The following PACRG variants were observed in gnomAD, a reference collection of about 807,000 sequenced individuals.
PACRG encodes parkin coregulated gene protein.
In PACRG, 29 loss-of-function variants were observed where a neutral mutation model predicts 29.7. The ratio of observed to expected loss-of-function variants is 0.98; its 90% CI spans 0.73 to 1.33. PACRG has a LOEUF of 1.33. Ranked by LOEUF, PACRG falls within the 40% of genes most tolerant of loss-of-function variation. PACRG has a pLI of 0.00. For synonymous variants in PACRG, 116 were observed against 118.7 expected (o/e 0.98, Z 0.15); for missense variants, 279 against 316.2 (o/e 0.88, Z 0.89).
rs569526268 is a variant in PACRG at position 162,909,513 on chromosome 6, C to T, written c.291+95232C>T. On this transcript the variant is annotated intron_variant, in intron 2 of 4. Coordinates refer to ENST00000366888, the MANE Select transcript of PACRG (RefSeq NM_001080379.2). ...GAGCTTGCAGTGAGCCAAGATCGCG[C>T]CACTGCACTCCAGCCTGGGTGACAG... Among the ~76,000 whole-genome samples the T allele has an allele frequency of 3.0e-4, 44 of 146,320 alleles. 1 individual carries two copies. In the South Asian group the frequency reaches 8.8e-3, roughly 29 times the overall value.
rs557664426 is a variant in PACRG, at chr6:163,128,343, G to A, written c.613+38935G>A. ...AAACTTGATTACTTAAAGGCACTAA[G>A]TATATTAGGAAACGAAATACAAATA... On this transcript the variant is annotated intron_variant, in intron 4 of 4. Coordinates refer to ENST00000366888, the MANE Select transcript of PACRG (RefSeq NM_001080379.2). Among the ~76,000 whole-genome samples the A allele has an allele frequency of 2.0e-5, 3 of 152,278 alleles. No homozygotes were observed. In the South Asian group the frequency reaches 6.2e-4, roughly 32 times the overall value.
chr6:162,951,797 T>C (rs1171223708), intron 2 of PACRG, among the ~76,000 whole-genome samples: 1 of 152,218 alleles, frequency 6.6e-6, no homozygotes, highest in African/African-American at 2.4e-5. Flanking sequence ...GCTGATGGTT[T>C]TTTAAAAGGG....
chr6:163,139,864 C>T (rs191948081), intron 4 of PACRG, among the ~76,000 whole-genome samples: 2 of 152,184 alleles, frequency 1.3e-5, no homozygotes, highest in East Asian at 1.9e-4. Flanking sequence ...TAACTAGATG[C>T]GTTTGCTAAG....
intron 4 of PACRG, among the ~76,000 whole-genome samples, chr6:163,161,008 A>G (rs1778534011): frequency 6.6e-6 from 1 of 152,218 alleles, no homozygotes; most frequent in Non-Finnish European, 1.5e-5. Flanking sequence ...CCAAGGTGAC[A>G]GTTAGGAAGC....
At chr6:163,042,195 G>A (rs980977439) in intron 2 of PACRG, among the ~76,000 whole-genome samples, 1 of 152,102 alleles carries the variant, frequency 6.6e-6, no homozygotes. Context: ...TGGTGGCATA[G>A]CAGTCTCTAT....
intron 4 of PACRG, chr6:163,245,105 T>A: frequency 2.3e-6 from 1 of 442,236 alleles, no homozygotes; most frequent in Non-Finnish European, 4.5e-6. Flanking sequence ...ACAAATAATA[T>A]GAATGTCACA....
intron 1 of PACRG, among the ~76,000 whole-genome samples, chr6:162,767,562 T>C (rs1782896381): frequency 6.6e-6 from 1 of 151,824 alleles, no homozygotes; most frequent in East Asian, 1.9e-4. Context: ...TTTTGGTGGC[T>C]GTCTTAAAAA....
At chr6:163,061,046 T>C (rs2128262077) in intron 2 of PACRG, among the ~76,000 whole-genome samples, 1 of 152,262 alleles carries the variant, frequency 6.6e-6, no homozygotes, top group South Asian at 2.1e-4. Flanking sequence ...GTTAATCTCC[T>C]ACTAATGTAA....
intron 2 of PACRG, among the ~76,000 whole-genome samples, chr6:163,005,628 C>A (rs2128204866): frequency 6.6e-6 from 1 of 151,640 alleles, no homozygotes; most frequent in African/African-American, 2.4e-5. Context: ...GGTCAGATAG[C>A]TTACCTTGTG....
chr6:162,851,132 C>A (rs183832413), intron 2 of PACRG, among the ~76,000 whole-genome samples: 1 of 152,254 alleles, frequency 6.6e-6, no homozygotes, highest in Non-Finnish European at 1.5e-5. Flanking sequence ...AAGGACCAAT[C>A]TGATAGATCC....
chr6:163,091,992 A>G (rs967500387), intron 4 of PACRG, among the ~76,000 whole-genome samples: 1 of 152,202 alleles, frequency 6.6e-6, no homozygotes, highest in African/African-American at 2.4e-5. Context: ...ACATTTCCGT[A>G]TTCCTCTTTT....
intron 2 of PACRG, among the ~76,000 whole-genome samples, chr6:163,039,493 G>A (rs898823135): frequency 1.3e-5 from 2 of 152,222 alleles, no homozygotes; most frequent in African/African-American, 4.8e-5. Flanking sequence ...AGAGGAAAAT[G>A]TGGGAAAGTT....
chr6:163,227,229 G>A (rs1781842174), intron 4 of PACRG, among the ~76,000 whole-genome samples: 1 of 152,130 alleles, frequency 6.6e-6, no homozygotes, highest in African/African-American at 2.4e-5. Context: ...TCACGATAGA[G>A]GGCGAAGTAG....
chr6:162,911,862 ACT>A (rs1480929245), intron 2 of PACRG, among the ~76,000 whole-genome samples: 2 of 152,170 alleles, frequency 1.3e-5, no homozygotes, highest in Non-Finnish European at 2.9e-5. Flanking sequence ...AGATTCCTTA[ACT>A]CTGAAAGTCC....
At chr6:162,891,355 A>T (rs994652793) in intron 2 of PACRG, among the ~76,000 whole-genome samples, 1 of 152,160 alleles carries the variant, frequency 6.6e-6, no homozygotes, top group Non-Finnish European at 1.5e-5. Context: ...GTTGGCTCTA[A>T]AGAGCAGGAA....
intron 2 of PACRG, among the ~76,000 whole-genome samples, chr6:163,024,854 G>A (rs1806974890): frequency 6.6e-6 from 1 of 152,066 alleles, no homozygotes; most frequent in South Asian, 2.1e-4. Flanking sequence ...GAATCCAGCG[G>A]CACATCAAAA....
At chr6:163,099,482 C>G (rs932527108) in intron 4 of PACRG, among the ~76,000 whole-genome samples, 1 of 152,192 alleles carries the variant, frequency 6.6e-6, no homozygotes, top group Non-Finnish European at 1.5e-5. Context: ...AAGCAAATAG[C>G]AATTTCTAAA....
At chr6:162,798,122 G>T (rs1415785794) in intron 1 of PACRG, among the ~76,000 whole-genome samples, 2 of 152,132 alleles carry the variant, frequency 1.3e-5, no homozygotes, top group Non-Finnish European at 2.9e-5. Context: ...GAATTGAATT[G>T]ATTTTTCCTA....
At chr6:162,886,460 C>T (rs752462369) in intron 2 of PACRG, among the ~76,000 whole-genome samples, 1 of 152,184 alleles carries the variant, frequency 6.6e-6, no homozygotes, top group Non-Finnish European at 1.5e-5. Context: ...TCTTACATGA[C>T]TTCATACAAT....
Sources: allele counts gnomAD v4.1 joint callset (sites outside exome capture counted in the v4.1 genomes callset), GRCh38; gene constraint gnomAD v4.1.1; transcripts MANE v1.5; gene names NCBI Gene and HGNC (gene_info 2026-07-23, HGNC 2026-07-21).